SLC8A1: variants seen among roughly 807,000 people sequenced by gnomAD.
SLC8A1 encodes the protein solute carrier family 8 member A1, also known as sodium/calcium exchanger 1.
In SLC8A1, 18 loss-of-function variants were observed where a neutral mutation model predicts 68.3. That is an observed-to-expected ratio of 0.26 (90% CI 0.18 to 0.39). SLC8A1 has a LOEUF of 0.39. SLC8A1 is among the 10% of genes least tolerant of loss of function. The probability of loss-of-function intolerance (pLI) is 1.00; values close to 1 mark genes in which losing one functional copy is unlikely to be tolerated. For synonymous variants in SLC8A1, 475 were observed against 415.5 expected, an observed-to-expected ratio of 1.14 and a Z score of -1.74; for missense variants, 985 against 1,156.7, an observed-to-expected ratio of 0.85 and a Z score of 2.15.
intron 2 of SLC8A1, chr2:40,220,014 T>C (rs1257541843): frequency 6.6e-6 from 1 of 152,064 alleles, no homozygotes; most frequent in African/African-American, 2.4e-5. Context: ...TCTCTATTTC[T>C]TATGTATAAT....
chr2:40,460,554 G>A (rs1052847008), intron 1 of SLC8A1, among the ~76,000 whole-genome samples: 1 of 151,380 alleles, frequency 6.6e-6, no homozygotes, highest in Non-Finnish European at 1.5e-5. Context: ...AGACTTATAG[G>A]TAAAATCAGA....
intron 7 of SLC8A1, among the ~76,000 whole-genome samples, chr2:40,122,231 C>T (rs1544643): frequency 1.8e-5 from 2 of 110,568 alleles, no homozygotes; most frequent in African/African-American, 6.3e-5. Context: ...CACACGTGTG[C>T]GCGCGCACAC....
At chr2:40,483,738 T>G (rs986395637) in intron 1 of SLC8A1, among the ~76,000 whole-genome samples, 1 of 152,208 alleles carries the variant, frequency 6.6e-6, no homozygotes, top group Non-Finnish European at 1.5e-5. Flanking sequence ...TTTGCTTATT[T>G]CTCTTCCCTC....
At position 40,170,333 on chromosome 2, in the gene SLC8A1, C is replaced by T. The variant is rs765273069; in HGVS notation, c.1930+4492G>A. The T allele has an allele frequency of 6.2e-6, 10 of 1,613,922 alleles. No individual in the cohort carries two copies. In the African/African-American group the frequency reaches 1.2e-4, roughly 19 times the overall value. The stretch of plus-strand genomic sequence containing the variant: ...TCGGATGTTCTCTAGCATGAACCTT[C>T]CTGAAGACAGGTTGGCCTAGCAAAA... On this transcript the variant is annotated intron_variant, in intron 4 of 7. Coordinates refer to ENST00000406785, the Ensembl canonical transcript of SLC8A1.
intron 2 of SLC8A1, among the ~76,000 whole-genome samples, chr2:40,289,474 A>G (rs748713093): frequency 3.3e-5 from 5 of 152,146 alleles, no homozygotes; most frequent in Non-Finnish European, 7.4e-5. Context: ...GTAGCCAGCC[A>G]TTGGAATTGA....
At chr2:40,183,764 T>C (rs1470775759) in intron 2 of SLC8A1, among the ~76,000 whole-genome samples, 2 of 152,206 alleles carry the variant, frequency 1.3e-5, no homozygotes, top group African/African-American at 4.8e-5. Context: ...AGCTGCATAT[T>C]AGAATCACCT....
At chr2:40,362,348 G>A (rs908963106) in intron 2 of SLC8A1, among the ~76,000 whole-genome samples, 13 of 151,950 alleles carry the variant, frequency 8.6e-5, no homozygotes, top group African/African-American at 2.9e-4. Flanking sequence ...CATAAATAAT[G>A]ACAGCCCAGA....
chr2:40,408,111 ATTC>A (rs1271258134), intron 2 of SLC8A1, among the ~76,000 whole-genome samples: 7 of 152,282 alleles, frequency 4.6e-5, no homozygotes, highest in South Asian at 4.1e-4. Flanking sequence ...AGCCCTATAT[ATTC>A]TTCTACAATC....
chr2:40,328,723 C>G (rs1277423170), intron 2 of SLC8A1, among the ~76,000 whole-genome samples: 1 of 152,206 alleles, frequency 6.6e-6, no homozygotes, highest in Admixed American at 6.5e-5. Flanking sequence ...ATCTTCATAG[C>G]TCACACTGAA....
At chr2:40,369,751 G>T (rs1677418697) in intron 2 of SLC8A1, among the ~76,000 whole-genome samples, 1 of 151,998 alleles carries the variant, frequency 6.6e-6, no homozygotes, top group African/African-American at 2.4e-5. Context: ...CAGTTAAATT[G>T]TTGAGCCATT....
intron 2 of SLC8A1, chr2:40,223,611 T>C (rs2058624045): frequency 6.6e-6 from 1 of 152,072 alleles, no homozygotes; most frequent in South Asian, 2.1e-4. Context: ...ACCTCTCTAT[T>C]CCTTTTCTTT....
chr2:40,263,982 T>G lies in SLC8A1; in HGVS notation c.1809-86127A>C, dbSNP rs60118928. Among the ~76,000 whole-genome samples the G allele has an allele frequency of 3.0e-3, 450 of 152,058 alleles. 1 individual carries two copies. The highest frequency in any genetic ancestry group is 0.01 in the African/African-American group (432 of 41,478). On this transcript the variant is annotated intron_variant, in intron 2 of 7. Coordinates refer to ENST00000406785, the Ensembl canonical transcript of SLC8A1. Reference sequence around the variant, plus strand: ...AAGGGCTAATATCCAGAATCTACAATGAACTCAAACAAATTTACAAGAAAA... The same window carrying G: ...AAGGGCTAATATCCAGAATCTACAAGGAACTCAAACAAATTTACAAGAAAA...
chr2:40,142,945 AGTGTGTGTGT>A lies in SLC8A1; in HGVS notation c.2162-3279_2162-3270del, dbSNP rs113217495. On this transcript the variant is annotated intron_variant, in intron 6 of 7. Coordinates refer to ENST00000406785, the Ensembl canonical transcript of SLC8A1. ...TCAATTAATGCAAAATGTGTGTGTG[AGTGTGTGTGT>A]GTGTGTGTGTGAGAGCGAGAGAGAG... Among the ~76,000 whole-genome samples the A allele has an allele frequency of 2.0e-5, 3 of 148,982 alleles. No individual in the cohort carries two copies. In the East Asian group the frequency reaches 5.9e-4, roughly 29 times the overall value.
chr2:40,497,181 G>A (rs1388590531), intron 1 of SLC8A1, among the ~76,000 whole-genome samples: 1 of 151,918 alleles, frequency 6.6e-6, no homozygotes, highest in Non-Finnish European at 1.5e-5. Context: ...ATAAAGAAGG[G>A]AAAGACCTCC....
chr2:40,465,592 G>C (rs776274211), intron 1 of SLC8A1, among the ~76,000 whole-genome samples: 1 of 151,938 alleles, frequency 6.6e-6, no homozygotes, highest in Non-Finnish European at 1.5e-5. Context: ...ATTAAGTAAC[G>C]TATTAATTTA....
chr2:40,340,485 T>C (rs956749134), intron 2 of SLC8A1, among the ~76,000 whole-genome samples: 2 of 152,086 alleles, frequency 1.3e-5, no homozygotes, highest in African/African-American at 4.8e-5. Context: ...CACTTGAACC[T>C]GGGAGGTGGA....
At chr2:40,468,358 C>T (rs530892638) in intron 1 of SLC8A1, among the ~76,000 whole-genome samples, 4 of 152,208 alleles carry the variant, frequency 2.6e-5, no homozygotes, top group South Asian at 4.1e-4. Context: ...GAAATACAGA[C>T]TTTGTCCATT....
intron 2 of SLC8A1, among the ~76,000 whole-genome samples, chr2:40,393,844 C>G (rs79192500): frequency 0.018 from 2,786 of 152,230 alleles, 35 homozygotes; most frequent in Non-Finnish European, 0.026. Context: ...ACCCAATCAA[C>G]CAAAATATTA....
chr2:40,363,244 T>G (rs1253675920), intron 2 of SLC8A1, among the ~76,000 whole-genome samples: 1 of 152,098 alleles, frequency 6.6e-6, no homozygotes, highest in Non-Finnish European at 1.5e-5. Context: ...AATTTAAAGT[T>G]AAAGCTCATT....
Sources: gnomAD v4.1 joint callset for allele counts (sites outside exome capture counted in the v4.1 genomes callset) on GRCh38, gnomAD v4.1.1 for gene constraint, MANE v1.5 for transcripts, NCBI Gene and HGNC (gene_info 2026-07-23, HGNC 2026-07-21) for gene names.